CAGE1: variants seen among roughly 807,000 people sequenced by gnomAD.
The protein encoded by CAGE1 is cancer antigen 1.
Under a neutral mutation model 94.9 loss-of-function variants are expected in CAGE1, and 66 were observed. The ratio of observed to expected loss-of-function variants is 0.70; its 90% CI spans 0.57 to 0.85. The LOEUF (loss-of-function observed/expected upper bound fraction) is 0.85, where lower values mean the gene tolerates loss of function less well. CAGE1 is among the 40% of genes least tolerant of loss of function. The pLI is 0.00. For missense variants in CAGE1, 865 were observed against 950.4 expected (o/e 0.91, Z 1.18); for synonymous variants, 319 against 321.0 (o/e 0.99, Z 0.07).
At chr6:7,380,945 A>T (rs1172164489) in intron 3 of CAGE1, among the ~76,000 whole-genome samples, 1 of 152,236 alleles carries the variant, frequency 6.6e-6, no homozygotes, top group Non-Finnish European at 1.5e-5. Context: ...GTACCAATTT[A>T]TGCTTCTACC....
In CAGE1 at chr6:7,368,763, C is replaced by T; in HGVS notation, c.1929G>A (p.Glu643=). The change falls in exon 7 of 14, where the codon GAG becomes GAA. Residue 643 remains glutamate (E), a synonymous_variant. Coordinates refer to ENST00000502583, the MANE Select transcript of CAGE1 (RefSeq NM_001170692.2). ...GCATTATATCACTAACCTTCTCACT[C>T]TCTTTGAAATGTTCAGCATCAGAAT... ...IINSDAEHFK[E]SEKVSDIMLQ... The T allele has an allele frequency of 6.4e-7, 1 of 1,558,242 alleles. No homozygotes were observed. Among genetic ancestry groups the T allele is most frequent in the East Asian group, 2.3e-5 (1 of 42,582 alleles).
Position 7,365,502 on chromosome 6 carries a change from T to G in CAGE1, c.2159A>C (p.Lys720Thr). The change falls in exon 9 of 14, where the codon AAG becomes ACG. Residue 720 changes from lysine (K) to threonine (T), a missense_variant. Lys to Thr is a moderately conservative substitution (Grantham distance 78). Transcript: ENST00000502583. ...AAGCTCCTCATTTAGACTGTGGTAC[T>G]TATCCAGTTTGGCTCCCAGAAGGGT... is the stretch of plus-strand genomic sequence containing the variant. ...VPTLLGAKLDKYHSLNEELDF... is the reference protein window; with the variant it reads ...VPTLLGAKLDTYHSLNEELDF... 2 of 1,613,526 alleles carry G rather than the reference T, an allele frequency of 1.2e-6. No individual in the cohort carries two copies. Among genetic ancestry groups the G allele is most frequent in the Non-Finnish European group, 1.7e-6 (2 of 1,179,668 alleles).
At chr6:7,350,758 G>T (rs1330656590) in intron 11 of CAGE1, among the ~76,000 whole-genome samples, 1 of 152,080 alleles carries the variant, frequency 6.6e-6, no homozygotes, top group African/African-American at 2.4e-5. Flanking sequence ...GTACAGCAAA[G>T]GTGGCAATAA....
chr6:7,376,984 A>G (rs1760768151), intron 4 of CAGE1, among the ~76,000 whole-genome samples: 1 of 152,244 alleles, frequency 6.6e-6, no homozygotes, highest in Non-Finnish European at 1.5e-5. Context: ...GTAACTTGAT[A>G]TAGCATCATA....
At chr6:7,346,293 G>A (rs144523437) in intron 11 of CAGE1, among the ~76,000 whole-genome samples, 1,750 of 152,204 alleles carry the variant, frequency 0.011, 28 homozygotes, top group African/African-American at 0.04. Context: ...AGTGACTCAC[G>A]CCTGTAATCC....
At chr6:7,376,782 G>T (rs1040977955) in intron 4 of CAGE1, among the ~76,000 whole-genome samples, 1 of 152,036 alleles carries the variant, frequency 6.6e-6, no homozygotes, top group South Asian at 2.1e-4. Context: ...GTTTGCAGAC[G>T]TTCTTCCTTC....
chr6:7,356,584 T>G (rs1759961753), intron 9 of CAGE1, among the ~76,000 whole-genome samples: 1 of 152,198 alleles, frequency 6.6e-6, no homozygotes, highest in African/African-American at 2.4e-5. Flanking sequence ...TTAAAAAGGT[T>G]CAGCTTAATG....
intron 12 of CAGE1, among the ~76,000 whole-genome samples, chr6:7,330,140 C>G (rs1056357530): frequency 6.6e-6 from 1 of 152,212 alleles, no homozygotes; most frequent in African/African-American, 2.4e-5. Context: ...GTAATCCCAG[C>G]ACTTTGGGAG....
intron 11 of CAGE1, among the ~76,000 whole-genome samples, chr6:7,345,057 C>A (rs75832965): frequency 6.6e-6 from 1 of 151,998 alleles, no homozygotes; most frequent in African/African-American, 2.4e-5. Context: ...CGGCAGATGG[C>A]TGGTGTTGAA....
At chr6:7,351,252 G>A (rs1693552162) in intron 11 of CAGE1, among the ~76,000 whole-genome samples, 1 of 152,054 alleles carries the variant, frequency 6.6e-6, no homozygotes, top group East Asian at 1.9e-4. Flanking sequence ...AAATCAGGAA[G>A]AATTAGATAC....
intron 11 of CAGE1, among the ~76,000 whole-genome samples, chr6:7,345,809 C>G (rs1462916831): frequency 2.6e-5 from 4 of 152,070 alleles, no homozygotes; most frequent in Admixed American, 2.0e-4. Context: ...CCCATAGTCC[C>G]AGCTACTTGG....
intron 9 of CAGE1, among the ~76,000 whole-genome samples, chr6:7,360,624 G>T (rs887384442): frequency 6.6e-6 from 1 of 152,108 alleles, no homozygotes; most frequent in African/African-American, 2.4e-5. Context: ...TCTACACAAA[G>T]GTTTTGAGGT....
intron 12 of CAGE1, among the ~76,000 whole-genome samples, chr6:7,330,416 G>A (rs932507386): frequency 7.9e-5 from 12 of 151,884 alleles, no homozygotes; most frequent in East Asian, 3.9e-4. Flanking sequence ...ATAAAATAAC[G>A]ATGAGGCACA....
At chr6:7,354,079 A>G (rs558167710) in intron 11 of CAGE1, among the ~76,000 whole-genome samples, 4 of 152,120 alleles carry the variant, frequency 2.6e-5, no homozygotes, top group Middle Eastern at 3.4e-3. Flanking sequence ...TACCCCAATA[A>G]CCTACGGAAA....
At chr6:7,359,166 C>T (rs1760085379) in intron 9 of CAGE1, among the ~76,000 whole-genome samples, 1 of 152,164 alleles carries the variant, frequency 6.6e-6, no homozygotes, top group Non-Finnish European at 1.5e-5. Flanking sequence ...CCTGCCTTGG[C>T]CTCCCAAGTA....
At chr6:7,377,996 A>G (rs1372196004) in intron 4 of CAGE1, among the ~76,000 whole-genome samples, 6 of 152,244 alleles carry the variant, frequency 3.9e-5, no homozygotes, top group Non-Finnish European at 8.8e-5. Context: ...CCAATATGAC[A>G]GAGAAATCTT....
chr6:7,370,813 A>T (rs745582536), intron 5 of CAGE1, among the ~76,000 whole-genome samples: 2 of 152,206 alleles, frequency 1.3e-5, no homozygotes, highest in African/African-American at 4.8e-5. Flanking sequence ...TACACTTGTG[A>T]AAAATGAGAG....
chr6:7,389,647 G>T lies in CAGE1; in HGVS notation c.-469C>A. 1 of 384,994 alleles carries T rather than the reference G, an allele frequency of 2.6e-6. No individual in the cohort carries two copies. The allele number at this position is 384,994 out of a possible 1,614,324, so 23.8% of individuals were successfully genotyped here. The stretch of plus-strand genomic sequence containing the variant: ...AGAAACGAAAACTCCGGGAAGAAAC[G>T]GCCAGCACGGGCCTCGCCGTGCCGG... On this transcript the variant is annotated 5_prime_UTR_variant, in exon 1 of 14. Transcript: ENST00000502583.
chr6:7,335,305 C>G (rs1458278292), intron 11 of CAGE1, among the ~76,000 whole-genome samples: 1 of 152,190 alleles, frequency 6.6e-6, no homozygotes, highest in Non-Finnish European at 1.5e-5. Context: ...GTGATTAGAA[C>G]TTGGATATCT....
Sources: gnomAD v4.1 joint callset for allele counts (sites outside exome capture counted in the v4.1 genomes callset) on GRCh38, gnomAD v4.1.1 for gene constraint, MANE v1.5 for transcripts, NCBI Gene and HGNC (gene_info 2026-07-23, HGNC 2026-07-21) for gene names.